The following PPP5C variants were observed in gnomAD, a reference collection of about 807,000 sequenced individuals.
The protein encoded by PPP5C is protein phosphatase 5 catalytic subunit, also known as serine/threonine-protein phosphatase 5.
PPP5C carries 21 observed loss-of-function variants against 66.7 expected under a neutral mutation model. The ratio of observed to expected loss-of-function variants is 0.31; its 90% CI spans 0.22 to 0.45. PPP5C has a LOEUF of 0.45. PPP5C is among the 20% of genes least tolerant of loss of function. PPP5C has a pLI of 1.00. For synonymous variants in PPP5C, 246 were observed against 257.4 expected (o/e 0.96, Z 0.43); for missense variants, 464 against 675.9 (o/e 0.69, Z 3.48).
intron 2 of PPP5C, among the ~76,000 whole-genome samples, chr19:46,375,310 C>A (rs1166947643): frequency 6.6e-6 from 1 of 152,220 alleles, no homozygotes; most frequent in Non-Finnish European, 1.5e-5. Flanking sequence ...CACAGGGATT[C>A]TCACAGGGCA....
chr19:46,372,273 G>A (rs1439549542), intron 2 of PPP5C, among the ~76,000 whole-genome samples: 1 of 152,008 alleles, frequency 6.6e-6, no homozygotes, highest in African/African-American at 2.4e-5. Flanking sequence ...GCACAATCAT[G>A]ACTCACTGCA....
intron 2 of PPP5C, among the ~76,000 whole-genome samples, chr19:46,370,751 T>C (rs1972575592): frequency 6.6e-6 from 1 of 150,882 alleles, no homozygotes; most frequent in Non-Finnish European, 1.5e-5. Context: ...GTCTCTCTCT[T>C]TTTTTTTTGA....
Position 46,390,424 on chromosome 19 carries a change from G to C in PPP5C, c.*78G>C. On this transcript the variant is annotated 3_prime_UTR_variant, in exon 13 of 13. Transcript: ENST00000012443. ...CAGGCCCTGGGCTAGGGGCAGAGCAGGCCCCGCCCCAGGGCAATGTTGGAC... is the reference window on the plus strand; with the variant it reads ...CAGGCCCTGGGCTAGGGGCAGAGCACGCCCCGCCCCAGGGCAATGTTGGAC... 1 of 1,544,204 alleles carries C rather than the reference G, an allele frequency of 6.5e-7. No homozygotes were observed. The highest frequency in any genetic ancestry group is 2.0e-5 in the Admixed American group (1 of 50,756).
chr19:46,354,606 C>T (rs552456839), intron 2 of PPP5C, among the ~76,000 whole-genome samples: 23 of 151,986 alleles, frequency 1.5e-4, no homozygotes, highest in Non-Finnish European at 3.2e-4. Flanking sequence ...CAAGCCTGGG[C>T]CACATAGGGA....
intron 2 of PPP5C, among the ~76,000 whole-genome samples, chr19:46,368,552 CTTTTT>C (rs1301214014): frequency 3.3e-5 from 5 of 152,184 alleles, no homozygotes; most frequent in African/African-American, 1.2e-4. Flanking sequence ...AATTTGTTAC[CTTTTT>C]ATTTTAATAG....
At chr19:46,352,836 A>T (rs1972213770) in intron 1 of PPP5C, among the ~76,000 whole-genome samples, 2 of 144,422 alleles carry the variant, frequency 1.4e-5, no homozygotes, top group South Asian at 4.5e-4. Flanking sequence ...AAAAAAAAAA[A>T]GAAGGCCCAC....
intron 7 of PPP5C, among the ~76,000 whole-genome samples, chr19:46,386,542 G>A (rs993651311): frequency 4.0e-5 from 6 of 151,458 alleles, no homozygotes; most frequent in Admixed American, 2.6e-4. Flanking sequence ...AGGAGGCCGG[G>A]TGCTTGTGTC....
intron 2 of PPP5C, among the ~76,000 whole-genome samples, chr19:46,370,156 C>T (rs1972563002): frequency 6.6e-6 from 1 of 152,058 alleles, no homozygotes; most frequent in Non-Finnish European, 1.5e-5. Context: ...TTAACCTTAG[C>T]TTACTGTAAC....
At chr19:46,352,407 A>G (rs1159164547) in intron 1 of PPP5C, among the ~76,000 whole-genome samples, 1 of 152,260 alleles carries the variant, frequency 6.6e-6, no homozygotes, top group Admixed American at 6.5e-5. Context: ...AGAGCTAGGG[A>G]CTGGGCCCAG....
chr19:46,357,377 A>G (rs759976437), intron 2 of PPP5C, among the ~76,000 whole-genome samples: 17 of 152,286 alleles, frequency 1.1e-4, no homozygotes, highest in Middle Eastern at 3.4e-3. Context: ...CTCTCAGTCA[A>G]CAGTTACACA....
Position 46,388,139 on chromosome 19 carries a change from T to A in PPP5C, c.1136-269T>A. On this transcript the variant is annotated intron_variant, in intron 9 of 12. Transcript: ENST00000012443. The surrounding 1 kb of genome is among the most constrained non-coding windows in gnomAD (Gnocchi z 4.9). ...GGCTTTGAGTGGGAGAGGGGCCTGA[T>A]CTGAATAGTGACATTGAAAGCTCTA... 4.4e-6 allele frequency: 2 copies of A among 455,230 alleles called. No homozygotes were observed. The highest frequency in any genetic ancestry group is 7.9e-6 in the Non-Finnish European group (2 of 253,630). The allele number at this position is 455,230 out of a possible 1,614,324, so 28.2% of individuals were successfully genotyped here.
At chr19:46,370,690 T>C (rs1364055180) in intron 2 of PPP5C, among the ~76,000 whole-genome samples, 3 of 152,170 alleles carry the variant, frequency 2.0e-5, no homozygotes, top group Non-Finnish European at 2.9e-5. Context: ...CACTTGTATA[T>C]GTGGGCCACT....
At position 46,383,249 on chromosome 19, in the gene PPP5C, C is replaced by T. The variant is rs1198448373; in HGVS notation, c.634-162C>T. 15 of 1,543,080 alleles carry T rather than the reference C, an allele frequency of 9.7e-6. No homozygotes were observed. The African/African-American group carries it at 1.2e-4, about 13-fold the overall frequency. The stretch of plus-strand genomic sequence containing the variant: ...AGAAGCCTGCGGCTGCCTCCGGCCC[C>T]GCCTGCTCCCGCTCCCCCAGGCCTG... On this transcript the variant is annotated intron_variant, in intron 4 of 12. Coordinates refer to ENST00000012443, the MANE Select transcript of PPP5C (RefSeq NM_006247.4). The surrounding 1 kb of genome is among the most constrained non-coding windows in gnomAD (Gnocchi z 5.0).
chr19:46,367,929 C>G (rs1381354990), intron 2 of PPP5C, among the ~76,000 whole-genome samples: 2 of 152,128 alleles, frequency 1.3e-5, no homozygotes, highest in East Asian at 3.9e-4. Context: ...GGTCCCTGGA[C>G]CCCTCCTGTG....
At chr19:46,381,122 T>C (rs767885538) in intron 4 of PPP5C, among the ~76,000 whole-genome samples, 2 of 152,256 alleles carry the variant, frequency 1.3e-5, no homozygotes, top group Non-Finnish European at 1.5e-5. Flanking sequence ...CACTGATTCT[T>C]TGTAACTGCT....
chr19:46,364,812 T>C (rs1010851608), intron 2 of PPP5C, among the ~76,000 whole-genome samples: 2 of 152,084 alleles, frequency 1.3e-5, no homozygotes, highest in African/African-American at 4.8e-5. Flanking sequence ...AGACCCTCAT[T>C]TGGGCCATTG....
At chr19:46,348,335 G>T (rs578095262) in intron 1 of PPP5C, among the ~76,000 whole-genome samples, 1 of 146,372 alleles carries the variant, frequency 6.8e-6, no homozygotes, top group Non-Finnish European at 1.5e-5. Context: ...TTTTTGAGAC[G>T]GGAGTTTTGC....
chr19:46,366,320 A>G lies in PPP5C; in HGVS notation c.364-9284A>G, dbSNP rs895103166. On this transcript the variant is annotated intron_variant, in intron 2 of 12. Transcript: ENST00000012443. ...CACTTTAAGTTACCTTGGGAAGAGCACTGGAGAACAAGGGAGAGGCTTGTG... is the reference window on the plus strand; with the variant it reads ...CACTTTAAGTTACCTTGGGAAGAGCGCTGGAGAACAAGGGAGAGGCTTGTG... 4.6e-5 allele frequency among the ~76,000 whole-genome samples: 7 copies of G among 152,214 alleles called. No individual in the cohort carries two copies. The East Asian group carries it at 1.4e-3, about 29-fold the overall frequency.
chr19:46,348,345 C>T (rs1410386255), intron 1 of PPP5C, among the ~76,000 whole-genome samples: 1 of 118,928 alleles, frequency 8.4e-6, no homozygotes, highest in Non-Finnish European at 1.7e-5. Context: ...GGGAGTTTTG[C>T]TCTTTTTGCC....
Sources: allele counts gnomAD v4.1 joint callset (sites outside exome capture counted in the v4.1 genomes callset), GRCh38; gene constraint gnomAD v4.1.1; non-coding constraint Gnocchi (gnomAD v3.1); transcripts MANE v1.5; gene names NCBI Gene and HGNC (gene_info 2026-07-23, HGNC 2026-07-21).